The following AMBRA1 variants were observed in gnomAD, a reference collection of about 807,000 sequenced individuals.
The protein encoded by AMBRA1 is autophagy and beclin 1 regulator 1.
AMBRA1 carries 47 observed loss-of-function variants against 125.4 expected under a neutral mutation model. The observed-to-expected ratio is 0.37, with a 90% CI of 0.30 to 0.48. The LOEUF (loss-of-function observed/expected upper bound fraction) is 0.48, where lower values mean the gene tolerates loss of function less well. AMBRA1 is among the 20% of genes least tolerant of loss of function. The pLI is 0.99. For synonymous variants in AMBRA1, 626 were observed against 655.5 expected (o/e 0.95, Z 0.69); for missense variants, 1,331 against 1,693.4 (o/e 0.79, Z 3.76).
intron 9 of AMBRA1, chr11:46,494,895 T>G (rs1189914640): frequency 6.6e-6 from 1 of 152,244 alleles, no homozygotes; most frequent in Non-Finnish European, 1.5e-5. Context: ...ATTAAGTATC[T>G]GCTAGGTTCC....
intron 11 of AMBRA1, among the ~76,000 whole-genome samples, chr11:46,474,108 T>C (rs1190462432): frequency 6.6e-6 from 1 of 151,492 alleles, no homozygotes; most frequent in African/African-American, 2.4e-5. Flanking sequence ...CTCCTTAGAA[T>C]AGCAATGAGG....
intron 1 of AMBRA1, among the ~76,000 whole-genome samples, chr11:46,578,818 T>C (rs1440094035): frequency 7.4e-6 from 1 of 135,492 alleles, no homozygotes; most frequent in Non-Finnish European, 1.5e-5. Context: ...GAGGTGGAGC[T>C]TGCAGTGAGC....
intron 7 of AMBRA1, among the ~76,000 whole-genome samples, chr11:46,530,079 TCCAAAGCAC>T (rs1289525047): frequency 2.0e-5 from 3 of 152,060 alleles, no homozygotes; most frequent in Non-Finnish European, 4.4e-5. Context: ...TGGAAAAGCC[TCCAAAGCAC>T]CCTTTAGAGC....
In AMBRA1 at chr11:46,417,898, C is replaced by T; in HGVS notation, c.3116+15G>A. The T allele has an allele frequency of 6.3e-7, 1 of 1,598,808 alleles. No homozygotes were observed. Among genetic ancestry groups the T allele is most frequent in the Non-Finnish European group, 8.6e-7 (1 of 1,169,124 alleles). ...CCCCAGTGATCCCTCAACCCCCACA[C>T]TTTAAGCCACTTACTCTGGTCGGCA... On this transcript the variant is annotated intron_variant, in intron 15 of 17. Coordinates refer to ENST00000683756, the MANE Select transcript of AMBRA1 (RefSeq NM_001387011.1).
intron 7 of AMBRA1, among the ~76,000 whole-genome samples, chr11:46,525,151 A>G (rs186316800): frequency 6.6e-6 from 1 of 151,902 alleles, no homozygotes; most frequent in Admixed American, 6.6e-5. Context: ...AAATTTAAAA[A>G]TTATCTGGGC....
chr11:46,438,426 TAAAC>T, intron 12 of AMBRA1, among the ~76,000 whole-genome samples: 1 of 152,370 alleles, frequency 6.6e-6, no homozygotes, highest in South Asian at 2.1e-4. Context: ...CCATAAATTA[TAAAC>T]AAACACCTTG....
chr11:46,397,925 C>T lies in AMBRA1; in HGVS notation c.3422G>A (p.Gly1141Asp). 3 of 1,594,868 alleles carry T rather than the reference C, an allele frequency of 1.9e-6. No individual in the cohort carries two copies. The highest frequency in any genetic ancestry group is 2.6e-6 in the Non-Finnish European group (3 of 1,176,058). ...GPGEGEGSEY[G>D]ASGEDALSRI... ...GCTGAGCGCATCTTCTCCACTGGCA[C>T]CATACTCTGAACCCTCACCTGGCAG... Residue 1141 changes from glycine to aspartate, a missense_variant, in exon 18 of 18, where the codon GGT (glycine) becomes GAT (aspartate). By Grantham distance (94) the Gly-to-Asp change is moderately conservative. Coordinates refer to ENST00000683756, the MANE Select transcript of AMBRA1 (RefSeq NM_001387011.1).
chr11:46,429,104 A>G (rs1947318831), intron 14 of AMBRA1: 5 of 1,607,330 alleles, frequency 3.1e-6, no homozygotes, highest in Non-Finnish European at 4.2e-6. Flanking sequence ...TCCCTCCTTA[A>G]AAAGGAGTTC....
chr11:46,491,111 G>T (rs1950444364), intron 11 of AMBRA1: 1 of 152,134 alleles, frequency 6.6e-6, no homozygotes, highest in Admixed American at 6.6e-5. Flanking sequence ...AGCACCACTG[G>T]ATCATAAAAA....
intron 11 of AMBRA1, 60 bp downstream of exon 11, chr11:46,493,548 A>G (rs1289622139): frequency 1.0e-5 from 14 of 1,365,396 alleles, no homozygotes; most frequent in Non-Finnish European, 1.2e-5. Flanking sequence ...AAGGAGGGAG[A>G]AGCTTTATCT....
chr11:46,458,665 T>C (rs1207616005), intron 11 of AMBRA1, among the ~76,000 whole-genome samples: 1 of 152,186 alleles, frequency 6.6e-6, no homozygotes, highest in African/African-American at 2.4e-5. Context: ...GGCATGATCA[T>C]TGCTCACTAC....
At chr11:46,452,262 G>T (rs4995987) in intron 11 of AMBRA1, among the ~76,000 whole-genome samples, 1 of 152,042 alleles carries the variant, frequency 6.6e-6, no homozygotes, top group African/African-American at 2.4e-5. Context: ...TTGTTTACCA[G>T]CTCACTGTGT....
chr11:46,508,426 GA>G, intron 8 of AMBRA1, 56 bp from the exon 9 acceptor site: 6 of 1,551,010 alleles, frequency 3.9e-6, no homozygotes, highest in Non-Finnish European at 5.3e-6. Flanking sequence ...GGAATACTAT[GA>G]AAGGCAGTTA....
At chr11:46,496,142 G>A (rs1193335829) in intron 9 of AMBRA1, among the ~76,000 whole-genome samples, 1 of 152,096 alleles carries the variant, frequency 6.6e-6, no homozygotes, top group Non-Finnish European at 1.5e-5. Context: ...GGGAGGCTGA[G>A]GCAGGAGGAT....
chr11:46,503,255 T>C (rs1419794709), intron 9 of AMBRA1, among the ~76,000 whole-genome samples: 1 of 151,992 alleles, frequency 6.6e-6, no homozygotes, highest in African/African-American at 2.4e-5. Context: ...GAGGTCACTA[T>C]AGGGATATTA....
intron 1 of AMBRA1, among the ~76,000 whole-genome samples, chr11:46,585,719 T>TATAC (rs1555017470): frequency 2.1e-5 from 2 of 96,662 alleles, no homozygotes; most frequent in African/African-American, 8.1e-5. Flanking sequence ...TATATATATA[T>TATAC]ATATTCCTAG....
In AMBRA1 at chr11:46,408,633, G is replaced by C. The variant is rs968764162; in HGVS notation, c.3283C>G (p.Pro1095Ala). 6.2e-7 allele frequency: 1 copy of C among 1,608,804 alleles called. No individual in the cohort carries two copies. The highest frequency in any genetic ancestry group is 1.3e-5 in the African/African-American group (1 of 74,892). ...CCCTGAGATGTCACTGAGGTGGCAG[G>C]GTTCCGGGGCTGAAGCCCAATGGCA... is the stretch of plus-strand genomic sequence containing the variant. The part of the protein sequence containing the change: ...MNAIGLQPRN[P>A]ATSVTSQGTQ... Residue 1095 changes from proline (P) to alanine (A), a missense_variant, in exon 17 of 18, where the codon CCT becomes GCT. By Grantham distance (27) the Pro-to-Ala change is conservative (BLOSUM62 -1). Around this residue, in one of 4 missense-constraint regions of AMBRA1, gnomAD observed 354 missense variants for 532.7 expected, o/e 0.66. Transcript: ENST00000683756.
At chr11:46,590,438 T>C (rs1188449715) in intron 1 of AMBRA1, among the ~76,000 whole-genome samples, 1 of 151,730 alleles carries the variant, frequency 6.6e-6, no homozygotes, top group Non-Finnish European at 1.5e-5. Flanking sequence ...GAGTCCAGCC[T>C]GAGCAACATA....
At position 46,537,303 on chromosome 11, in the gene AMBRA1, A is replaced by T. The variant is rs533741535; in HGVS notation, c.2072+4642T>A. Among the ~76,000 whole-genome samples, 220 of 152,334 alleles carry T rather than the reference A, an allele frequency of 1.4e-3. 2 individuals carry two copies. Among genetic ancestry groups the T allele is most frequent in the Middle Eastern group, 0.014 (4 of 294 alleles). On this transcript the variant is annotated intron_variant, in intron 7 of 17. Coordinates refer to ENST00000683756, the MANE Select transcript of AMBRA1 (RefSeq NM_001387011.1). ...CTGCTGTTTGAAGGCACTTATTTCA[A>T]ATGAAACGGAGGAAAGGGTGCCCTC...
Sources: gnomAD v4.1 joint callset for allele counts (sites outside exome capture counted in the v4.1 genomes callset) on GRCh38, gnomAD v4.1.1 for gene constraint, gnomAD v4.1.1 regional missense constraint, MANE v1.5 for transcripts, NCBI Gene and HGNC (gene_info 2026-07-23, HGNC 2026-07-21) for gene names.